Variants in KREMEN1 observed in about 807,000 individuals in gnomAD.
The protein encoded by KREMEN1 is kremen protein 1.
KREMEN1 carries 30 observed loss-of-function variants against 46.5 expected under a neutral mutation model. The ratio of observed to expected loss-of-function variants is 0.65; its 90% CI spans 0.48 to 0.88. The LOEUF is 0.88. Among genes scored for constraint, KREMEN1 ranks in the 40% least tolerant of loss-of-function variants. The pLI, the probability that KREMEN1 is intolerant of heterozygous loss-of-function variation, is 0.00. For synonymous variants in KREMEN1, 214 were observed against 230.6 expected, an observed-to-expected ratio of 0.93 and a Z score of 0.65; for missense variants, 533 against 596.9, an observed-to-expected ratio of 0.89 and a Z score of 1.11.
intron 3 of KREMEN1, among the ~76,000 whole-genome samples, chr22:29,102,773 C>G (rs1375413857): frequency 6.6e-6 from 1 of 152,098 alleles, no homozygotes; most frequent in East Asian, 1.9e-4. Context: ...TTTCTGTGGC[C>G]CCTTGATAAC....
intron 3 of KREMEN1, among the ~76,000 whole-genome samples, chr22:29,117,200 C>A (rs147810587): frequency 1.3e-5 from 2 of 152,116 alleles, no homozygotes; most frequent in East Asian, 3.9e-4. Flanking sequence ...TTTTTATATG[C>A]CCAAAAGACT....
intron 1 of KREMEN1, among the ~76,000 whole-genome samples, chr22:29,087,575 T>A (rs1242124419): frequency 6.6e-6 from 1 of 152,186 alleles, no homozygotes; most frequent in East Asian, 1.9e-4. Flanking sequence ...GTCAAGTTTT[T>A]TTTTTTTTGA....
chr22:29,099,919 A>G (rs1477647857), intron 3 of KREMEN1, among the ~76,000 whole-genome samples: 1 of 152,134 alleles, frequency 6.6e-6, no homozygotes, highest in Admixed American at 6.6e-5. Context: ...AGTGTATGGT[A>G]TAGGATGAAT....
At position 29,145,476 on chromosome 22, in the gene KREMEN1, C is replaced by A. The variant is rs920266890; in HGVS notation, c.*3364C>A. 9.1e-6 allele frequency: 9 copies of A among 985,482 alleles called. No homozygotes were observed. In the South Asian group the frequency reaches 4.2e-4, roughly 46 times the overall value. 61.0% of individuals were successfully genotyped at this position (985,482 alleles called of 1,614,324 possible). On this transcript the variant is annotated 3_prime_UTR_variant, in exon 9 of 9. Transcript: ENST00000400335. Reference sequence around the variant, plus strand: ...TGTTCCCCGCTGGCGCCAGGCCCTGCCTTCTTGGTACCTGTGCCAACAGGA... The same window carrying A: ...TGTTCCCCGCTGGCGCCAGGCCCTGACTTCTTGGTACCTGTGCCAACAGGA...
chr22:29,090,391 G>A (rs2037787695), intron 1 of KREMEN1, among the ~76,000 whole-genome samples: 1 of 152,192 alleles, frequency 6.6e-6, no homozygotes, highest in African/African-American at 2.4e-5. Flanking sequence ...AGGGTGGAGG[G>A]TGGGAGGAGG....
intron 3 of KREMEN1, among the ~76,000 whole-genome samples, chr22:29,106,218 CT>C (rs36063476): frequency 0.52 from 74,106 of 143,092 alleles, 18,767 homozygotes; most frequent in Middle Eastern, 0.64. Context: ...TTCACATTAT[CT>C]TTTTTTTTTT....
chr22:29,109,729 GAT>G, intron 3 of KREMEN1, among the ~76,000 whole-genome samples: 1 of 152,324 alleles, frequency 6.6e-6, no homozygotes, highest in Admixed American at 6.5e-5. Flanking sequence ...TTACAGGACG[GAT>G]CAAAGGAAGA....
chr22:29,158,441 G>A (rs553740023), intron 9 of KREMEN1, among the ~76,000 whole-genome samples: 2 of 152,278 alleles, frequency 1.3e-5, no homozygotes, highest in Non-Finnish European at 2.9e-5. Context: ...GCGCCGACAT[G>A]GGGCACGGGG....
intron 5 of KREMEN1, among the ~76,000 whole-genome samples, chr22:29,125,877 A>G (rs1347533388): frequency 6.6e-6 from 1 of 151,808 alleles, no homozygotes; most frequent in African/African-American, 2.4e-5. Flanking sequence ...CAGGCCTGGC[A>G]TTGGGTTTGC....
At chr22:29,115,575 A>C (rs2145800952) in intron 3 of KREMEN1, among the ~76,000 whole-genome samples, 1 of 152,284 alleles carries the variant, frequency 6.6e-6, no homozygotes, top group South Asian at 2.1e-4. Context: ...CTGGGAATAC[A>C]GGGGTGTGTG....
intron 1 of KREMEN1, among the ~76,000 whole-genome samples, chr22:29,085,659 G>A (rs2037717462): frequency 6.6e-6 from 1 of 152,076 alleles, no homozygotes; most frequent in Admixed American, 6.6e-5. Context: ...TGTTGAAGAT[G>A]TAGTTTCTTT....
intron 5 of KREMEN1, among the ~76,000 whole-genome samples, chr22:29,133,256 A>AAAAAAAGT (rs1556014297): frequency 4.0e-5 from 6 of 150,790 alleles, no homozygotes; most frequent in African/African-American, 1.5e-4. Context: ...TCAAAAAAAA[A>AAAAAAAGT]AAAAAGAAAA....
intron 1 of KREMEN1, among the ~76,000 whole-genome samples, chr22:29,075,698 A>AACAC (rs927138854): frequency 6.6e-6 from 1 of 151,952 alleles, no homozygotes; most frequent in Admixed American, 6.6e-5. Flanking sequence ...TTCCCAATAA[A>AACAC]ACACACACAC....
chr22:29,123,939 A>G (rs956790877), intron 4 of KREMEN1, among the ~76,000 whole-genome samples: 1 of 152,236 alleles, frequency 6.6e-6, no homozygotes, highest in African/African-American at 2.4e-5. Context: ...AGTGCTGACA[A>G]GGATACAGAG....
At chr22:29,126,670 T>G (rs2038449426) in intron 5 of KREMEN1, among the ~76,000 whole-genome samples, 2 of 152,258 alleles carry the variant, frequency 1.3e-5, no homozygotes, top group African/African-American at 4.8e-5. Flanking sequence ...TCAGCCACTA[T>G]ATATATGGTG....
intron 5 of KREMEN1, among the ~76,000 whole-genome samples, chr22:29,131,746 AT>A (rs1482982331): frequency 7.4e-6 from 1 of 135,636 alleles, no homozygotes; most frequent in African/African-American, 3.0e-5. Context: ...GTGTATATAT[AT>A]GTATATATGT....
At chr22:29,164,572 C>T (rs1451291536) in intron 9 of KREMEN1, among the ~76,000 whole-genome samples, 1 of 151,632 alleles carries the variant, frequency 6.6e-6, no homozygotes, top group Non-Finnish European at 1.5e-5. Flanking sequence ...ACAGTGGAAC[C>T]CCATCTCTAC....
intron 1 of KREMEN1, among the ~76,000 whole-genome samples, chr22:29,075,403 AG>A: frequency 6.6e-6 from 1 of 152,280 alleles, no homozygotes; most frequent in Non-Finnish European, 1.5e-5. Flanking sequence ...TGCTTTTTTA[AG>A]GTCAAATGCA....
chr22:29,103,454 G>A (rs1042439663), intron 3 of KREMEN1, among the ~76,000 whole-genome samples: 1 of 152,192 alleles, frequency 6.6e-6, no homozygotes, highest in African/African-American at 2.4e-5. Flanking sequence ...CTCTTGACCT[G>A]CAGAGCATGG....
Sources: allele counts gnomAD v4.1 joint callset (sites outside exome capture counted in the v4.1 genomes callset), GRCh38; gene constraint gnomAD v4.1.1; transcripts MANE v1.5; gene names NCBI Gene and HGNC (gene_info 2026-07-23, HGNC 2026-07-21).